Variants in CCDC171 observed in about 807,000 individuals in gnomAD.
The protein encoded by CCDC171 is coiled-coil domain containing 171.
A neutral mutation model predicts 168.2 loss-of-function variants in CCDC171; 177 were observed. That is an observed-to-expected ratio of 1.05 (90% CI 0.93 to 1.19). The LOEUF is 1.19. Among genes scored for constraint, CCDC171 ranks in the 50% most tolerant of loss-of-function variants. The pLI is 0.00. For synonymous variants in CCDC171, 687 were observed against 540.8 expected, an observed-to-expected ratio of 1.27 and a Z score of -3.75; for missense variants, 1,991 against 1,539.0, an observed-to-expected ratio of 1.29 and a Z score of -4.91.
chr9:16,080,909 C>G, the CCDC171 span, among the ~76,000 whole-genome samples: 1 of 152,152 alleles, frequency 6.6e-6, no homozygotes, highest in Non-Finnish European at 1.5e-5. Flanking sequence ...TGATGTGGGG[C>G]ATGTCTTTGC....
intron 4 of CCDC171, among the ~76,000 whole-genome samples, chr9:15,583,942 A>G (rs2041347170): frequency 6.6e-6 from 1 of 152,002 alleles, no homozygotes; most frequent in African/African-American, 2.4e-5. Flanking sequence ...ATCTCGGCTC[A>G]CTGCAACCAC....
chr9:15,599,702 C>T (rs2042677123), intron 6 of CCDC171, among the ~76,000 whole-genome samples: 1 of 152,122 alleles, frequency 6.6e-6, no homozygotes, highest in Non-Finnish European at 1.5e-5. Flanking sequence ...GCCTGCCTTG[C>T]TAGATTGGGG....
chr9:15,743,864 G>A (rs1193593692), intron 16 of CCDC171, among the ~76,000 whole-genome samples: 1 of 152,108 alleles, frequency 6.6e-6, no homozygotes, highest in Non-Finnish European at 1.5e-5. Flanking sequence ...TTTACATCTA[G>A]GAAACCCTCT....
At chr9:15,827,999 G>T (rs1009762990) in intron 21 of CCDC171, among the ~76,000 whole-genome samples, 9 of 152,088 alleles carry the variant, frequency 5.9e-5, no homozygotes. Context: ...TCAATAGTAG[G>T]ATTTCATGAC....
At chr9:15,669,834 A>G (rs573330465) in intron 9 of CCDC171, among the ~76,000 whole-genome samples, 1 of 152,126 alleles carries the variant, frequency 6.6e-6, no homozygotes, top group Non-Finnish European at 1.5e-5. Flanking sequence ...AAGGATAAAC[A>G]TATCAACGGT....
At chr9:15,844,782 G>T (rs1051604963) in intron 21 of CCDC171, among the ~76,000 whole-genome samples, 10 of 152,012 alleles carry the variant, frequency 6.6e-5, no homozygotes, top group African/African-American at 2.4e-5. Flanking sequence ...ATGTTATGAG[G>T]TATATCTTCT....
chr9:15,579,105 T>A (rs2040915757), intron 4 of CCDC171, 82 bp downstream of exon 4: 3 of 1,073,458 alleles, frequency 2.8e-6, no homozygotes, highest in Non-Finnish European at 4.0e-6. Flanking sequence ...GTACATCCCA[T>A]ACAGGGTCAG....
intron 1 of CCDC171, among the ~76,000 whole-genome samples, chr9:15,560,918 G>C (rs2039248366): frequency 6.6e-6 from 1 of 152,100 alleles, no homozygotes; most frequent in African/African-American, 2.4e-5. Flanking sequence ...GTTTTCATGT[G>C]GATGTTTATT....
At chr9:15,600,905 G>C (rs1040129415) in intron 6 of CCDC171, among the ~76,000 whole-genome samples, 1 of 152,172 alleles carries the variant, frequency 6.6e-6, no homozygotes, top group South Asian at 2.1e-4. Context: ...AGCAGTGAGC[G>C]AGGCTCCATG....
At chr9:15,943,126 A>G (rs115523754) in intron 25 of CCDC171, among the ~76,000 whole-genome samples, 244 of 152,118 alleles carry the variant, frequency 1.6e-3, no homozygotes, top group African/African-American at 5.8e-3. Context: ...GAATGGTTCT[A>G]TATTACATGT....
intron 23 of CCDC171, among the ~76,000 whole-genome samples, chr9:15,856,139 T>TA (rs1279999489): frequency 6.6e-6 from 1 of 151,998 alleles, no homozygotes; most frequent in Non-Finnish European, 1.5e-5. Flanking sequence ...TGGAATGTCT[T>TA]AATTTCTCCT....
At position 15,999,718 on chromosome 9, in the gene CCDC171, C is replaced by T. The variant is rs73413984; in HGVS notation, n.369-20871C>T. Among the ~76,000 whole-genome samples the T allele has an allele frequency of 6.8e-3, 1,038 of 152,336 alleles. 11 individuals carry two copies. Among genetic ancestry groups the T allele is most frequent in the African/African-American group, 0.024 (986 of 41,582 alleles). On this transcript the variant is annotated intron_variant and non_coding_transcript_variant, in intron 3 of 9. Transcript: ENST00000486641. ...CTTCATGCAGCCATGCTCAATTCTA[C>T]TGCTCCTACACTATCTTCTCTTTTA...
chr9:15,681,662 G>C (rs1287104974), intron 10 of CCDC171, among the ~76,000 whole-genome samples: 2 of 151,600 alleles, frequency 1.3e-5, no homozygotes, highest in African/African-American at 4.8e-5. Flanking sequence ...ACTTTTCTCG[G>C]TAGATTAGTG....
At position 16,000,024 on chromosome 9, in the gene CCDC171, A is replaced by G. The variant is rs538889560; in HGVS notation, n.369-20565A>G. 3.0e-4 allele frequency among the ~76,000 whole-genome samples: 45 copies of G among 152,288 alleles called. No individual in the cohort carries two copies. In the South Asian group the frequency reaches 7.1e-3, roughly 24 times the overall value. ...GCTGTAACTATTCTGACAAAATCTA[A>G]TATTTATGGCAAAAGCATAATGCCC... is the stretch of plus-strand genomic sequence containing the variant. On this transcript the variant is annotated intron_variant and non_coding_transcript_variant, in intron 3 of 9. Transcript: ENST00000486641.
intron 1 of CCDC171, among the ~76,000 whole-genome samples, chr9:15,563,457 G>A (rs140303658): frequency 1.3e-5 from 2 of 152,108 alleles, no homozygotes; most frequent in East Asian, 1.9e-4. Flanking sequence ...TTTAATCTCA[G>A]TCTTGGTTTT....
chr9:16,059,033 G>C (rs1049438139), intron 1 of CCDC171, among the ~76,000 whole-genome samples: 4 of 152,126 alleles, frequency 2.6e-5, no homozygotes, highest in Admixed American at 6.5e-5. Context: ...AAACATGGAA[G>C]CAAAATGGTC....
At chr9:15,812,852 T>G (rs1382362370) in intron 21 of CCDC171, among the ~76,000 whole-genome samples, 1 of 152,176 alleles carries the variant, frequency 6.6e-6, no homozygotes, top group African/African-American at 2.4e-5. Flanking sequence ...CCACTAAATT[T>G]GTGTATATTG....
At chr9:15,967,909 T>C (rs1052395227) in intron 25 of CCDC171, among the ~76,000 whole-genome samples, 2 of 152,246 alleles carry the variant, frequency 1.3e-5, no homozygotes, top group Non-Finnish European at 2.9e-5. Context: ...AAAAAGGCTT[T>C]GACTTACAGA....
At chr9:15,905,474 C>T (rs1026280610) in intron 24 of CCDC171, among the ~76,000 whole-genome samples, 17 of 151,918 alleles carry the variant, frequency 1.1e-4, no homozygotes, top group Non-Finnish European at 2.2e-4. Flanking sequence ...TTGAAACCAA[C>T]GAGAACAAAG....
Sources: gnomAD v4.1 joint callset for allele counts (sites outside exome capture counted in the v4.1 genomes callset) on GRCh38, gnomAD v4.1.1 for gene constraint, MANE v1.5 for transcripts, NCBI Gene and HGNC (gene_info 2026-07-23, HGNC 2026-07-21) for gene names.